DGKH: variants seen among roughly 807,000 people sequenced by gnomAD.
DGKH encodes the protein DAG kinase eta.
DGKH carries 90 observed loss-of-function variants against 159.3 expected under a neutral mutation model. That is an observed-to-expected ratio of 0.57 (90% CI 0.48 to 0.67). The LOEUF is 0.67. Among genes scored for constraint, DGKH ranks in the 30% least tolerant of loss-of-function variants. The pLI, the probability that DGKH is intolerant of heterozygous loss-of-function variation, is 0.00. For synonymous variants in DGKH, 536 were observed against 553.8 expected (o/e 0.97, Z 0.45); for missense variants, 1,181 against 1,506.1 (o/e 0.78, Z 3.57).
chr13:42,168,628 G>A, intron 10 of DGKH, 51 bp from the exon 11 acceptor site: 1 of 1,613,554 alleles, frequency 6.2e-7, no homozygotes, highest in Non-Finnish European at 8.5e-7. Context: ...AAATGCAGTA[G>A]TCCCTATTTC....
intron 1 of DGKH, among the ~76,000 whole-genome samples, chr13:42,041,353 C>A (rs1056743873): frequency 4.6e-5 from 7 of 152,126 alleles, no homozygotes; most frequent in African/African-American, 1.7e-4. Flanking sequence ...CCCGGGGACA[C>A]GCGCCTGGAG....
intron 3 of DGKH, among the ~76,000 whole-genome samples, chr13:42,137,386 C>A (rs944277577): frequency 1.4e-4 from 22 of 152,124 alleles, no homozygotes; most frequent in Admixed American, 1.3e-3. Flanking sequence ...TCATTCAATT[C>A]TTTATATGAA....
intron 13 of DGKH, among the ~76,000 whole-genome samples, chr13:42,186,022 TGTG>T (rs1330514154): frequency 6.9e-6 from 1 of 144,748 alleles, no homozygotes; most frequent in Non-Finnish European, 1.6e-5. Flanking sequence ...TGTGTGTGTG[TGTG>T]TGTGTGTGTG....
At chr13:42,121,862 G>A (rs1448770057) in intron 1 of DGKH, among the ~76,000 whole-genome samples, 1 of 152,188 alleles carries the variant, frequency 6.6e-6, no homozygotes. Flanking sequence ...CTCATTAGTG[G>A]ATACTGTCTG....
intron 26 of DGKH, among the ~76,000 whole-genome samples, chr13:42,216,064 G>T (rs951874834): frequency 3.3e-5 from 5 of 152,234 alleles, no homozygotes; most frequent in African/African-American, 1.2e-4. Flanking sequence ...CTCCAGGTTT[G>T]CTTAAAAGAG....
chr13:42,173,982 T>TGTGTGTGC, intron 11 of DGKH, 78 bp from the exon 12 acceptor site: 1 of 811,536 alleles, frequency 1.2e-6, no homozygotes, highest in Non-Finnish European at 2.1e-6. Context: ...TGTGTGTGTG[T>TGTGTGTGC]GCGCGTTTAT....
At chr13:42,143,973 C>G (rs769892042) in intron 3 of DGKH, among the ~76,000 whole-genome samples, 8 of 152,112 alleles carry the variant, frequency 5.3e-5, no homozygotes, top group Non-Finnish European at 1.0e-4. Flanking sequence ...CAAACACATT[C>G]AAAAGCTAGC....
At chr13:42,130,711 G>A (rs9562380) in intron 3 of DGKH, among the ~76,000 whole-genome samples, 53,471 of 151,768 alleles carry the variant, frequency 0.35, 9,924 homozygotes, top group Non-Finnish European at 0.42. Flanking sequence ...GTGAGCACTG[G>A]TAGGGGTTGG....
chr13:42,248,364 T>C (rs188262982), intron 29 of DGKH, among the ~76,000 whole-genome samples: 2 of 151,522 alleles, frequency 1.3e-5, no homozygotes, highest in Admixed American at 1.3e-4. Context: ...AGAGGTTGCT[T>C]GCAGTGACCT....
intron 1 of DGKH, among the ~76,000 whole-genome samples, chr13:42,119,435 A>G (rs1311672583): frequency 6.6e-6 from 1 of 152,152 alleles, no homozygotes; most frequent in African/African-American, 2.4e-5. Context: ...GGTCATCTGC[A>G]CTCTGGTCCA....
chr13:42,057,434 A>T (rs538150136), intron 1 of DGKH, among the ~76,000 whole-genome samples: 1 of 152,284 alleles, frequency 6.6e-6, no homozygotes, highest in South Asian at 2.1e-4. Flanking sequence ...TTGTTCCTCG[A>T]CACTCTTGTA....
At chr13:42,110,105 CA>C (rs1954833653) in intron 1 of DGKH, among the ~76,000 whole-genome samples, 1 of 152,154 alleles carries the variant, frequency 6.6e-6, no homozygotes, top group East Asian at 1.9e-4. Flanking sequence ...ATTGAAGATG[CA>C]GTTGAAATTC....
intron 3 of DGKH, among the ~76,000 whole-genome samples, chr13:42,148,931 C>T (rs1486394976): frequency 1.4e-5 from 2 of 146,382 alleles, no homozygotes; most frequent in African/African-American, 5.1e-5. Flanking sequence ...ACCCACAACC[C>T]CGCCCGCCCC....
intron 1 of DGKH, among the ~76,000 whole-genome samples, chr13:42,109,947 G>A (rs753104961): frequency 2.0e-5 from 3 of 152,120 alleles, no homozygotes; most frequent in Non-Finnish European, 2.9e-5. Context: ...ACATATATAT[G>A]TGTATCTATC....
chr13:42,252,706 C>T (rs17702734), intron 30 of DGKH, among the ~76,000 whole-genome samples: 2,131 of 152,194 alleles, frequency 0.014, 34 homozygotes, highest in East Asian at 0.04. Context: ...TGCGCAGAGA[C>T]CTATGGCAAC....
At chr13:42,062,788 T>C (rs976477364) in intron 1 of DGKH, among the ~76,000 whole-genome samples, 11 of 152,362 alleles carry the variant, frequency 7.2e-5, no homozygotes, top group Admixed American at 5.2e-4. Context: ...ATCCAAATTA[T>C]TTTTGAAGAT....
At position 42,196,843 on chromosome 13, in the gene DGKH, T is replaced by C. The variant is rs1033548360; in HGVS notation, c.2168-1635T>C. On this transcript the variant is annotated intron_variant, in intron 17 of 29. Transcript: ENST00000337343. ...AAAGAAAGATCAATCTGAAACAAAC[T>C]GGTTCTGGAAAGGCCTTCAGGTTTA... is the stretch of plus-strand genomic sequence containing the variant. 2.0e-5 allele frequency among the ~76,000 whole-genome samples: 3 copies of C among 152,198 alleles called. No homozygotes were observed. In the South Asian group the frequency reaches 6.2e-4, roughly 31 times the overall value.
At chr13:42,069,775 C>T (rs1479400594) in intron 1 of DGKH, 2 of 1,086,566 alleles carry the variant, frequency 1.8e-6, no homozygotes, top group African/African-American at 1.6e-5. Flanking sequence ...AGTATGGCTA[C>T]ACTCCAGATC....
At chr13:42,211,703 A>C (rs888110300) in intron 24 of DGKH, among the ~76,000 whole-genome samples, 4 of 152,144 alleles carry the variant, frequency 2.6e-5, no homozygotes, top group South Asian at 2.1e-4. Context: ...GTCTTCAAAA[A>C]AAGAAGAAAA....
Sources: allele counts gnomAD v4.1 joint callset (sites outside exome capture counted in the v4.1 genomes callset), GRCh38; gene constraint gnomAD v4.1.1; transcripts MANE v1.5; gene names NCBI Gene and HGNC (gene_info 2026-07-23, HGNC 2026-07-21).